TPGS2: variants seen among roughly 807,000 people sequenced by gnomAD.
TPGS2 encodes the protein tubulin polyglutamylase complex subunit 2.
TPGS2 carries 26 observed loss-of-function variants against 31.1 expected under a neutral mutation model. That is an observed-to-expected ratio of 0.84 (90% confidence interval 0.61 to 1.16). The LOEUF is 1.16. Ranked by LOEUF, TPGS2 falls within the 50% of genes most tolerant of loss-of-function variation. The pLI is 0.00. For synonymous variants in TPGS2, 130 were observed against 136.6 expected (o/e 0.95, Z 0.34); for missense variants, 351 against 363.8 (o/e 0.96, Z 0.29).
downstream of TPGS2, chr18:36,781,928 TGAAAA>T (rs3216121): frequency 1.4e-4 from 136 of 985,278 alleles, no homozygotes; most frequent in East Asian, 0.014. Context: ...ATCACCTTAT[TGAAAA>T]GAATACATAG....
intron 4 of TPGS2, among the ~76,000 whole-genome samples, chr18:36,803,359 G>A (rs1179492176): frequency 6.6e-6 from 1 of 152,108 alleles, no homozygotes; most frequent in African/African-American, 2.4e-5. Context: ...ATGGGGTTTT[G>A]TGTCCTCATC....
chr18:36,783,319 G>A (rs2044058949), intron 6 of TPGS2, among the ~76,000 whole-genome samples: 1 of 152,092 alleles, frequency 6.6e-6, no homozygotes, highest in Non-Finnish European at 1.5e-5. Flanking sequence ...AAAGTGAATA[G>A]TACCTTACAC....
In TPGS2 at chr18:36,795,012, C is replaced by G; in HGVS notation, c.*1793G>C. On this transcript the variant is annotated 3_prime_UTR_variant, in exon 7 of 7. Transcript: ENST00000334295. The stretch of plus-strand genomic sequence containing the variant: ...GTTTATGCTCCCAAAGACTCTTAAG[C>G]GCTGATATTTCAAGACTTTGAACTA... The G allele has an allele frequency of 1.0e-6, 1 of 985,350 alleles. No individual in the cohort carries two copies. Among genetic ancestry groups the G allele is most frequent in the African/African-American group, 1.7e-5 (1 of 57,340 alleles). The allele number at this position is 985,350 out of a possible 1,614,324, so 61.0% of individuals were successfully genotyped here.
intron 4 of TPGS2, 69 bp downstream of exon 4, chr18:36,805,305 G>T: frequency 6.4e-7 from 1 of 1,550,804 alleles, no homozygotes; most frequent in African/African-American, 1.4e-5. Flanking sequence ...GATTCATTAA[G>T]TACCTACTAT....
chr18:36,784,449 C>G (rs2044084832), intron 6 of TPGS2, among the ~76,000 whole-genome samples: 2 of 152,164 alleles, frequency 1.3e-5, no homozygotes, highest in South Asian at 4.1e-4. Context: ...CAGATAAGTA[C>G]AAATAATACC....
At chr18:36,793,883 G>A (rs1223680119), downstream of TPGS2, among the ~76,000 whole-genome samples, 4 of 151,802 alleles carry the variant, frequency 2.6e-5, no homozygotes, top group Admixed American at 6.6e-5. Flanking sequence ...GACTACAGGC[G>A]CCCGCCACCA....
chr18:36,787,129 G>A (rs553262613), intron 6 of TPGS2: 1 of 1,232,216 alleles, frequency 8.1e-7, no homozygotes, highest in South Asian at 4.1e-5. Flanking sequence ...AGAATTTAAA[G>A]ATATTCCAGA....
At chr18:36,786,906 G>A (rs1479452431) in intron 6 of TPGS2, 2 of 1,234,230 alleles carry the variant, frequency 1.6e-6, no homozygotes, top group African/African-American at 3.1e-5. Context: ...CCATGCTGTT[G>A]GATTGGCGCC....
chr18:36,794,879 A>G lies in TPGS2; in HGVS notation c.*1926T>C, dbSNP rs1029721492. 3.7e-5 allele frequency: 36 copies of G among 971,524 alleles called. No homozygotes were observed. The African/African-American group carries it at 6.2e-4, about 17-fold the overall frequency. 60.2% of individuals were successfully genotyped at this position (971,524 alleles called of 1,614,324 possible). A position where few individuals can be genotyped will look rare whatever the true frequency, so the allele number is the denominator to read the frequency against. Reference sequence around the variant, plus strand: ...CACACACACACACACACACACACACACACGTTTAAATGACCACACTGAATT... The same window carrying G: ...CACACACACACACACACACACACACGCACGTTTAAATGACCACACTGAATT... On this transcript the variant is annotated 3_prime_UTR_variant, in exon 7 of 7. Coordinates refer to ENST00000334295, the MANE Select transcript of TPGS2 (RefSeq NM_015476.4).
chr18:36,802,366 T>C (rs987994732), intron 4 of TPGS2, among the ~76,000 whole-genome samples: 1 of 152,218 alleles, frequency 6.6e-6, no homozygotes, highest in Non-Finnish European at 1.5e-5. Context: ...TGCTTTTGAC[T>C]ACTCTCCAGT....
rs559407740 is a variant in TPGS2 at position 36,800,981 on chromosome 18, C to T, written c.383-670G>A. The stretch of plus-strand genomic sequence containing the variant: ...CTGGGATTACAGGCACGAGCCACCG[C>T]GCCCGGTCAGAACCATGTAAAAGCC... On this transcript the variant is annotated intron_variant, in intron 4 of 6. Coordinates refer to ENST00000334295, the MANE Select transcript of TPGS2 (RefSeq NM_015476.4). 4.5e-4 allele frequency among the ~76,000 whole-genome samples: 68 copies of T among 152,284 alleles called. 1 individual carries two copies. The highest frequency in any genetic ancestry group is 1.6e-3 in the African/African-American group (67 of 41,550).
In TPGS2 at chr18:36,795,724, G is replaced by A. The variant is rs1456611327; in HGVS notation, c.*1081C>T. 2.0e-6 allele frequency: 2 copies of A among 985,172 alleles called. No homozygotes were observed. The highest frequency in any genetic ancestry group is 1.2e-4 in the Admixed American group (2 of 16,272). 61.0% of individuals were successfully genotyped at this position (985,172 alleles called of 1,614,324 possible). ...ATGGGAAAATGATTTCTGAATTACAGGCAACTTGCTTCCAAAGGAACTCTT... is the reference window on the plus strand; with the variant it reads ...ATGGGAAAATGATTTCTGAATTACAAGCAACTTGCTTCCAAAGGAACTCTT... On this transcript the variant is annotated 3_prime_UTR_variant, in exon 7 of 7. Coordinates refer to ENST00000334295, the MANE Select transcript of TPGS2 (RefSeq NM_015476.4).
In TPGS2 at chr18:36,786,190, T is replaced by G. The variant is rs183906231; in HGVS notation, c.658-3059A>C. ...CAGGAGAAAGTTACAGAAATAAATG[T>G]CTTGTCCAATCAAAGCATGGTTATG... On this transcript the variant is annotated intron_variant, in intron 6 of 6. Coordinates refer to the TPGS2 transcript ENST00000587129. Among the ~76,000 whole-genome samples the G allele has an allele frequency of 1.4e-4, 21 of 152,244 alleles. No individual in the cohort carries two copies. In the South Asian group the frequency reaches 2.1e-3, roughly 15 times the overall value.
intron 6 of TPGS2, among the ~76,000 whole-genome samples, chr18:36,783,652 T>C (rs1600709317): frequency 6.6e-6 from 1 of 152,120 alleles, no homozygotes; most frequent in East Asian, 1.9e-4. Flanking sequence ...GGAGACTTAG[T>C]TTCCAGGCTC....
intron 2 of TPGS2, among the ~76,000 whole-genome samples, chr18:36,809,853 T>C (rs1490023981): frequency 1.3e-5 from 2 of 152,222 alleles, no homozygotes; most frequent in Admixed American, 6.5e-5. Flanking sequence ...TTTGGCATTG[T>C]TCATATGTAA....
Position 36,807,924 on chromosome 18 carries a change from C to A in TPGS2, c.176G>T (p.Cys59Phe), listed in dbSNP as rs2045238996. The stretch of plus-strand genomic sequence containing the variant: ...GTTCTTCACATCTTCAGGCATCACA[C>A]AGTTATTCTTCTAGAATCACAAAGC... ...MISSWEQKNN[C>F]VMPEDVKNFY... The change falls in exon 3 of 7, where the codon TGT (cysteine) becomes TTT (phenylalanine). Residue 59 changes from cysteine (C) to phenylalanine (F), a missense_variant. Coordinates refer to ENST00000334295, the MANE Select transcript of TPGS2 (RefSeq NM_015476.4). 2 of 1,614,136 alleles carry A rather than the reference C, an allele frequency of 1.2e-6. No individual in the cohort carries two copies. Among genetic ancestry groups the A allele is most frequent in the African/African-American group, 1.3e-5 (1 of 75,046 alleles).
chr18:36,803,123 C>T (rs950405453), intron 4 of TPGS2, among the ~76,000 whole-genome samples: 1 of 152,210 alleles, frequency 6.6e-6, no homozygotes, highest in South Asian at 2.1e-4. Flanking sequence ...TTTATCATTT[C>T]TTTGCGGTGA....
At chr18:36,797,941 TA>T in intron 6 of TPGS2, 1 of 162,400 alleles carries the variant, frequency 6.2e-6, no homozygotes. Context: ...GATGGAGTGT[TA>T]TGTGAAAAGA....
rs1398216024 is a variant in TPGS2 at position 36,828,925 on chromosome 18, C to T, written c.-158G>A. On this transcript the variant is annotated 5_prime_UTR_variant, in exon 1 of 7. Transcript: ENST00000334295. ...GGGCCCGGGGTTGGTCTGACAGCAG[C>T]AGCTCCGTGGGGCGCCGGTTCCCGC... The T allele has an allele frequency of 1.2e-5, 12 of 1,014,566 alleles. No individual in the cohort carries two copies. The Admixed American group carries it at 2.9e-4, about 25-fold the overall frequency. The allele number at this position is 1,014,566 out of a possible 1,614,324, so 62.8% of individuals were successfully genotyped here.
Sources: allele counts gnomAD v4.1 joint callset (sites outside exome capture counted in the v4.1 genomes callset), GRCh38; gene constraint gnomAD v4.1.1; transcripts MANE v1.5; gene names NCBI Gene and HGNC (gene_info 2026-07-23, HGNC 2026-07-21).